Variants in MAOA observed in about 807,000 individuals in gnomAD.
The protein encoded by MAOA is amine oxidase [flavin-containing] A.
In MAOA, 6 loss-of-function variants were observed where a neutral mutation model predicts 42.0. That is an observed-to-expected ratio of 0.14 (90% CI 0.08 to 0.28). MAOA has a LOEUF of 0.28. Ranked by LOEUF, MAOA falls within the 10% of genes least tolerant of loss-of-function variation. The pLI is 1.00. For missense variants in MAOA, 262 were observed against 422.3 expected (o/e 0.62, Z 3.33); for synonymous variants, 140 against 154.0 (o/e 0.91, Z 0.67).
chrX:43,735,612 A>AT (rs2033914123), intron 9 of MAOA, among the ~76,000 whole-genome samples: 1 of 112,635 alleles, frequency 8.9e-6, no homozygotes, highest in Non-Finnish European at 1.9e-5. Flanking sequence ...TTGAGCTCCA[A>AT]TGTTGTCCCA....
At chrX:43,710,647 A>C (rs992721257) in intron 3 of MAOA, among the ~76,000 whole-genome samples, 4 of 112,667 alleles carry the variant, frequency 3.6e-5, no homozygotes, top group African/African-American at 1.3e-4. Context: ...TTTTTAAAGT[A>C]AAATAAATTA....
chrX:43,731,556 C>A, intron 7 of MAOA, 138 bp from the exon 8 acceptor site: 1 of 852,410 alleles, frequency 1.2e-6, no homozygotes, highest in Non-Finnish European at 1.7e-6. Context: ...GTTTTGTTGC[C>A]TCACAGTTGC....
intron 1 of MAOA, among the ~76,000 whole-genome samples, chrX:43,672,428 C>T (rs1474296333): frequency 9.1e-6 from 1 of 110,496 alleles, no homozygotes; most frequent in Non-Finnish European, 1.9e-5. Context: ...AATTGAATAC[C>T]CTTTATTTCC....
chrX:43,688,459 T>G (rs1042130014), intron 2 of MAOA, among the ~76,000 whole-genome samples: 2 of 111,962 alleles, frequency 1.8e-5, no homozygotes, highest in South Asian at 3.8e-4. Flanking sequence ...TTTTGTATTT[T>G]CAGTAGAGAT....
At chrX:43,736,376 C>G in intron 10 of MAOA, 96 bp downstream of exon 10, 2 of 539,593 alleles carry the variant, frequency 3.7e-6, no homozygotes, top group Non-Finnish European at 6.1e-6. Flanking sequence ...AAACACAGTA[C>G]TTCACAAATA....
At chrX:43,662,801 C>T (rs1277421965) in intron 1 of MAOA, among the ~76,000 whole-genome samples, 2 of 109,751 alleles carry the variant, frequency 1.8e-5, no homozygotes, top group African/African-American at 6.7e-5. Context: ...GTATAGATTT[C>T]ATAATGATAG....
intron 1 of MAOA, among the ~76,000 whole-genome samples, chrX:43,675,358 G>A (rs2033384752): frequency 8.9e-6 from 1 of 111,812 alleles, no homozygotes; most frequent in African/African-American, 3.3e-5. Context: ...TTTTTTCAAA[G>A]TTTTTAACTT....
chrX:43,688,297 T>C (rs1436245232), intron 2 of MAOA, among the ~76,000 whole-genome samples: 1 of 112,049 alleles, frequency 8.9e-6, no homozygotes, highest in Non-Finnish European at 1.9e-5. Flanking sequence ...GCTTTTTTTT[T>C]CGAGACGGAG....
At chrX:43,730,289 A>G (rs749691324) in intron 6 of MAOA, among the ~76,000 whole-genome samples, 4 of 109,088 alleles carry the variant, frequency 3.7e-5, no homozygotes, top group Non-Finnish European at 7.6e-5. Flanking sequence ...ACCTTCTTAG[A>G]TTAAGCTGGA....
At chrX:43,679,542 T>A (rs2033426526) in intron 1 of MAOA, among the ~76,000 whole-genome samples, 1 of 110,802 alleles carries the variant, frequency 9.0e-6, no homozygotes, top group Non-Finnish European at 1.9e-5. Context: ...ATCTATAGGA[T>A]GCTACTGAGA....
chrX:43,734,132 CTTTTTTTTTTTTT>C (rs745875170), intron 9 of MAOA, among the ~76,000 whole-genome samples: 1 of 62,433 alleles, frequency 1.6e-5, no homozygotes, highest in South Asian at 7.6e-4. Context: ...TTTGGGCTTT[CTTTTTTTTTTTTT>C]TTTTTTGGAA....
chrX:43,707,755 A>G (rs1042010378), intron 3 of MAOA, among the ~76,000 whole-genome samples: 3 of 112,202 alleles, frequency 2.7e-5, no homozygotes, highest in Non-Finnish European at 5.6e-5. Flanking sequence ...AGGTATTCAT[A>G]TAAGCTGTAC....
intron 3 of MAOA, among the ~76,000 whole-genome samples, chrX:43,703,070 A>G (rs748212236): frequency 6.3e-5 from 7 of 111,078 alleles, no homozygotes; most frequent in African/African-American, 2.3e-4. Flanking sequence ...TAAAAAAAAA[A>G]TACTATTCTG....
chrX:43,688,547 A>G (rs1205506430), intron 2 of MAOA, among the ~76,000 whole-genome samples: 1 of 112,083 alleles, frequency 8.9e-6, no homozygotes, highest in Non-Finnish European at 1.9e-5. Flanking sequence ...TTTCGTCATC[A>G]CTGCATTGTG....
chrX:43,718,902 A>C (rs2033766791), intron 5 of MAOA, among the ~76,000 whole-genome samples: 1 of 110,970 alleles, frequency 9.0e-6, no homozygotes, highest in Non-Finnish European at 1.9e-5. Flanking sequence ...TCCACGACCC[A>C]GAGGAGAGGG....
chrX:43,711,774 G>A, intron 3 of MAOA, 98 bp from the exon 4 acceptor site: 1 of 614,798 alleles, frequency 1.6e-6, no homozygotes, highest in South Asian at 2.3e-5. Context: ...TGGTTACTTT[G>A]CAAGTCTTAG....
chrX:43,734,853 A>G (rs983730899), intron 9 of MAOA, among the ~76,000 whole-genome samples: 2 of 112,237 alleles, frequency 1.8e-5, no homozygotes, highest in African/African-American at 6.5e-5. Context: ...TAAAAAGTAT[A>G]CAAGACAAGT....
At chrX:43,677,763 A>G (rs1476215658) in intron 1 of MAOA, among the ~76,000 whole-genome samples, 1 of 111,774 alleles carries the variant, frequency 8.9e-6, no homozygotes, top group Non-Finnish European at 1.9e-5. Flanking sequence ...CTCTTTGTGA[A>G]TGTAGTTTCT....
intron 2 of MAOA, among the ~76,000 whole-genome samples, chrX:43,691,039 C>T (rs1352147780): frequency 9.0e-6 from 1 of 111,425 alleles, no homozygotes; most frequent in Non-Finnish European, 1.9e-5. Context: ...ATTAAAGATA[C>T]ACAAGAAGTG....
Sources: gnomAD v4.1 joint callset for allele counts (sites outside exome capture counted in the v4.1 genomes callset) on GRCh38, gnomAD v4.1.1 for gene constraint, MANE v1.5 for transcripts, NCBI Gene and HGNC (gene_info 2026-07-23, HGNC 2026-07-21) for gene names.